The following CHST4 variants were observed in gnomAD, a reference collection of about 807,000 sequenced individuals.
CHST4 encodes carbohydrate sulfotransferase 4, also known as GST-3.
For missense variants in CHST4, 466 were observed against 506.0 expected, an observed-to-expected ratio of 0.92 and a Z score of 0.76; for synonymous variants, 171 against 195.5, an observed-to-expected ratio of 0.87 and a Z score of 1.05.
At chr16:71,529,543 A>AT (rs1157747412) in intron 1 of CHST4, among the ~76,000 whole-genome samples, 2,800 of 41,350 alleles carry the variant, frequency 0.068, 983 homozygotes, top group African/African-American at 0.2. Flanking sequence ...ATGCTCATCT[A>AT]TTTTTTTTTT....
rs780716558 is a variant in CHST4 at position 71,537,793 on chromosome 16, G to A, written c.1116G>A (p.Leu372=). Residue 372 remains leucine (L), a synonymous_variant, in exon 2 of 2, where the codon TTG becomes TTA. Coordinates refer to ENST00000539698, the MANE Select transcript of CHST4 (RefSeq NM_001166395.2). This position sits in a 1 kb window ranked among gnomAD's most constrained non-coding sequence, Gnocchi z 4.2. ...CTGAACAAGAACAGAGAAACCTGTT[G>A]CTGGATCTTCTGTCTACCTGGACTG... ...VRSEQEQRNL[L]LDLLSTWTVP... is the part of the protein sequence containing the mutation. 25 of 1,614,092 alleles carry A rather than the reference G, an allele frequency of 1.5e-5. No individual in the cohort carries two copies. The highest frequency in any genetic ancestry group is 1.2e-4 in the Admixed American group (7 of 60,010).
At chr16:71,533,429 A>G (rs79452742) in intron 1 of CHST4, among the ~76,000 whole-genome samples, 2 of 149,718 alleles carry the variant, frequency 1.3e-5, no homozygotes, top group Non-Finnish European at 3.0e-5. Context: ...TCTGTCTCAA[A>G]AAAAAAAAAA....
rs1055850846 is a variant in CHST4, at chr16:71,537,098, A to T, written c.421A>T (p.Ile141Phe). 2 of 1,614,000 alleles carry T rather than the reference A, an allele frequency of 1.2e-6. No individual in the cohort carries two copies. The highest frequency in any genetic ancestry group is 1.7e-6 in the Non-Finnish European group (2 of 1,180,028). The change falls in exon 2 of 2, where the codon ATC (isoleucine) becomes TTC (phenylalanine). Residue 141 changes from isoleucine to phenylalanine, a missense_variant. By Grantham distance (21) the Ile-to-Phe change is conservative. Coordinates refer to ENST00000539698, the MANE Select transcript of CHST4 (RefSeq NM_001166395.2). The surrounding 1 kb of genome is among the most constrained non-coding windows in gnomAD (Gnocchi z 4.2). ...ALCSAPACDI[I>F]PQDEIIPRAH... ...GTGTTCTGCACCTGCCTGTGACATCATCCCACAAGATGAAATCATCCCCCG... is the reference window on the plus strand; with the variant it reads ...GTGTTCTGCACCTGCCTGTGACATCTTCCCACAAGATGAAATCATCCCCCG...
chr16:71,537,142 G>T lies in CHST4; in HGVS notation c.465G>T (p.Leu155=). Residue 155 remains leucine (L), a synonymous_variant, in exon 2 of 2, where the codon CTG becomes CTT. Coordinates refer to ENST00000539698, the MANE Select transcript of CHST4 (RefSeq NM_001166395.2). This position sits in a 1 kb window ranked among gnomAD's most constrained non-coding sequence, Gnocchi z 4.2. ...EIIPRAHCRL[L]CSQQPFEVVE... ...TCCCCCGGGCTCACTGCAGGCTCCTGTGCAGTCAACAGCCCTTTGAGGTGG... is the reference window on the plus strand; with the variant it reads ...TCCCCCGGGCTCACTGCAGGCTCCTTTGCAGTCAACAGCCCTTTGAGGTGG... 2 of 1,614,144 alleles carry T rather than the reference G, an allele frequency of 1.2e-6. No homozygotes were observed. Among genetic ancestry groups the T allele is most frequent in the Non-Finnish European group, 1.7e-6 (2 of 1,180,030 alleles).
chr16:71,526,932 T>C (rs772051336), intron 1 of CHST4, among the ~76,000 whole-genome samples: 27 of 152,264 alleles, frequency 1.8e-4, no homozygotes, highest in Admixed American at 3.9e-4. Flanking sequence ...AGTGTGATCA[T>C]TGAAAATTCT....
intron 1 of CHST4, among the ~76,000 whole-genome samples, chr16:71,532,048 GT>G (rs71153643): frequency 3.2e-4 from 42 of 131,162 alleles, no homozygotes; most frequent in South Asian, 5.0e-4. Context: ...TGGTCCTGTT[GT>G]TTTTTTTTTT....
intron 1 of CHST4, among the ~76,000 whole-genome samples, chr16:71,527,129 G>A (rs548702678): frequency 7.9e-5 from 12 of 152,182 alleles, no homozygotes; most frequent in Admixed American, 2.0e-4. Context: ...GGAACACCAC[G>A]CACATGTGCA....
At position 71,537,780 on chromosome 16, in the gene CHST4, A is replaced by T. The variant is rs746288535; in HGVS notation, c.1103A>T (p.Gln368Leu). The change falls in exon 2 of 2, where the codon CAG becomes CTG. Residue 368 changes from glutamine to leucine, a missense_variant. Gln to Leu is a moderately radical substitution (Grantham distance 113). Coordinates refer to ENST00000539698, the MANE Select transcript of CHST4 (RefSeq NM_001166395.2). This position sits in a 1 kb window ranked among gnomAD's most constrained non-coding sequence, Gnocchi z 4.2. ...CGCCACGTCAGATCTGAACAAGAACAGAGAAACCTGTTGCTGGATCTTCTG... is the reference window on the plus strand; with the variant it reads ...CGCCACGTCAGATCTGAACAAGAACTGAGAAACCTGTTGCTGGATCTTCTG... ...GYRHVRSEQE[Q>L]RNLLLDLLST... 1.9e-6 allele frequency: 3 copies of T among 1,614,226 alleles called. No homozygotes were observed. The South Asian group carries it at 3.3e-5, about 18-fold the overall frequency.
At chr16:71,529,614 C>T (rs1006536819) in intron 1 of CHST4, among the ~76,000 whole-genome samples, 6 of 123,480 alleles carry the variant, frequency 4.9e-5, no homozygotes, top group African/African-American at 1.3e-4. Flanking sequence ...TGGAGTGCAG[C>T]GGTGTGATCT....
At chr16:71,530,052 C>G (rs1291052861) in intron 1 of CHST4, among the ~76,000 whole-genome samples, 2 of 151,914 alleles carry the variant, frequency 1.3e-5, no homozygotes, top group Non-Finnish European at 1.5e-5. Context: ...GCAGGAGAAT[C>G]GCTTGAATCT....
At chr16:71,531,651 C>T (rs1381554810) in intron 1 of CHST4, among the ~76,000 whole-genome samples, 3 of 152,104 alleles carry the variant, frequency 2.0e-5, no homozygotes, top group Admixed American at 6.5e-5. Context: ...CACCAAGCCC[C>T]GCACAGGACA....
chr16:71,533,910 C>T (rs1304089374), intron 1 of CHST4, among the ~76,000 whole-genome samples: 1 of 151,886 alleles, frequency 6.6e-6, no homozygotes, highest in Non-Finnish European at 1.5e-5. Flanking sequence ...AGCCTGGTGG[C>T]ACGTGCCTAT....
At chr16:71,532,586 G>T (rs1332091717) in intron 1 of CHST4, among the ~76,000 whole-genome samples, 1 of 152,252 alleles carries the variant, frequency 6.6e-6, no homozygotes, top group African/African-American at 2.4e-5. Flanking sequence ...AGGTTCAGGG[G>T]ACTTCCAAGG....
Position 71,536,881 on chromosome 16 carries a change from T to C in CHST4, c.204T>C (p.Val68=), listed in dbSNP as rs765229565. ...AGCTTTTTGGGCAGCACCCAGATGT[T>C]TTCTACCTGATGGAGCCCGCCTGGC... is the stretch of plus-strand genomic sequence containing the variant. The part of the protein sequence containing the change: ...VGQLFGQHPD[V]FYLMEPAWHV... Residue 68 remains valine (V), a synonymous_variant, in exon 2 of 2, where the codon GTT becomes GTC. Coordinates refer to ENST00000539698, the MANE Select transcript of CHST4 (RefSeq NM_001166395.2). 7 of 1,577,900 alleles carry C rather than the reference T, an allele frequency of 4.4e-6. No individual in the cohort carries two copies. In the Admixed American group the frequency reaches 9.0e-5, roughly 20 times the overall value.
At chr16:71,528,269 A>G (rs1203921270) in intron 1 of CHST4, among the ~76,000 whole-genome samples, 6 of 143,092 alleles carry the variant, frequency 4.2e-5, no homozygotes, top group Admixed American at 3.4e-4. Context: ...AAAAAAAAAA[A>G]GAGTCCTGGC....
At chr16:71,529,728 C>T (rs549545389) in intron 1 of CHST4, among the ~76,000 whole-genome samples, 1 of 151,854 alleles carries the variant, frequency 6.6e-6, no homozygotes, top group Non-Finnish European at 1.5e-5. Context: ...TTGTTATGTA[C>T]GTGTAAGTAA....
intron 1 of CHST4, among the ~76,000 whole-genome samples, chr16:71,534,638 ATGAGCCACTGTGC>A (rs1326890699): frequency 6.6e-6 from 1 of 152,080 alleles, no homozygotes; most frequent in Non-Finnish European, 1.5e-5. Context: ...GACTACAGGC[ATGAGCCACTGTGC>A]TCAGCCATGA....
intron 1 of CHST4, among the ~76,000 whole-genome samples, chr16:71,535,385 C>G (rs1431542045): frequency 6.6e-6 from 1 of 152,164 alleles, no homozygotes; most frequent in Non-Finnish European, 1.5e-5. Context: ...GTTGGCCAGG[C>G]TGGTCTCAAA....
rs1157747412 is a variant in CHST4, at chr16:71,529,543, A to ATTTTTTTTTTTT, written c.-19+3068_-19+3079dup. Among the ~76,000 whole-genome samples, 21 of 41,360 alleles carry ATTTTTTTTTTTT rather than the reference A, an allele frequency of 5.1e-4. 6 individuals are homozygous for ATTTTTTTTTTTT. The highest frequency in any genetic ancestry group is 2.0e-3 in the African/African-American group (21 of 10,364). 27.1% of individuals were successfully genotyped at this position (41,360 alleles called of 152,430 possible). On this transcript the variant is annotated intron_variant, in intron 1 of 1. Coordinates refer to ENST00000539698, the MANE Select transcript of CHST4 (RefSeq NM_001166395.2). ...ACTGTGCCTCTTCCCATGCTCATCTATTTTTTTTTTTTTTTTTTTTTTTTT... is the reference window on the plus strand; with the variant it reads ...ACTGTGCCTCTTCCCATGCTCATCTATTTTTTTTTTTTTTTTTTTTTTTTTTTTTTTTTTTTT...
Sources: gnomAD v4.1 joint callset for allele counts (sites outside exome capture counted in the v4.1 genomes callset) on GRCh38, gnomAD v4.1.1 for gene constraint, Gnocchi (gnomAD v3.1) non-coding constraint, MANE v1.5 for transcripts, NCBI Gene and HGNC (gene_info 2026-07-23, HGNC 2026-07-21) for gene names.